The following DMD variants were observed in gnomAD, a reference collection of about 807,000 sequenced individuals.
The protein encoded by DMD is dystrophin.
DMD carries 63 observed loss-of-function variants against 330.1 expected under a neutral mutation model. The ratio of observed to expected loss-of-function variants is 0.19; its 90% CI spans 0.16 to 0.24. The LOEUF is 0.24. DMD is among the 10% of genes least tolerant of loss of function. DMD has a pLI of 1.00. For synonymous variants in DMD, 1,223 were observed against 959.8 expected (o/e 1.27, Z -5.07); for missense variants, 3,344 against 2,684.1 (o/e 1.25, Z -5.43).
intron 1 of DMD, among the ~76,000 whole-genome samples, chrX:33,186,432 A>G (rs1446109503): frequency 9.0e-6 from 1 of 111,527 alleles, no homozygotes; most frequent in Non-Finnish European, 1.9e-5. Context: ...ATTCAATACC[A>G]TAGGCATAGA....
At chrX:33,219,570 T>C (rs1190390331) in intron 1 of DMD, among the ~76,000 whole-genome samples, 2 of 109,663 alleles carry the variant, frequency 1.8e-5, no homozygotes, top group African/African-American at 6.6e-5. Context: ...ATATCAGTAC[T>C]ATCTATAGAG....
At chrX:33,184,092 A>G (rs2050129475) in intron 1 of DMD, among the ~76,000 whole-genome samples, 1 of 111,862 alleles carries the variant, frequency 8.9e-6, no homozygotes, top group Non-Finnish European at 1.9e-5. Context: ...CCTTTGTTGA[A>G]TGCTGATCCA....
At chrX:31,264,381 G>A (rs1603261542) in intron 62 of DMD, among the ~76,000 whole-genome samples, 1 of 112,286 alleles carries the variant, frequency 8.9e-6, no homozygotes, top group East Asian at 2.8e-4. Flanking sequence ...GGGAAATTCT[G>A]AAACCTGTTC....
At chrX:31,845,509 C>A (rs772063813) in intron 48 of DMD, among the ~76,000 whole-genome samples, 1 of 107,735 alleles carries the variant, frequency 9.3e-6, no homozygotes, top group Non-Finnish European at 1.9e-5. Flanking sequence ...TGGATACCAA[C>A]CCTGATTTGA....
At chrX:32,735,051 G>A (rs1322574671) in intron 7 of DMD, among the ~76,000 whole-genome samples, 23 of 111,068 alleles carry the variant, frequency 2.1e-4, no homozygotes, top group African/African-American at 6.3e-4. Flanking sequence ...TAAGCTGATA[G>A]GGAACTTCAG....
At chrX:31,482,282 A>G (rs1394553069) in intron 57 of DMD, among the ~76,000 whole-genome samples, 1 of 108,993 alleles carries the variant, frequency 9.2e-6, no homozygotes, top group African/African-American at 3.4e-5. Context: ...GGACTGTGAT[A>G]TGCTCAGCTT....
At chrX:32,199,856 G>T (rs1007595090) in intron 44 of DMD, among the ~76,000 whole-genome samples, 24 of 104,753 alleles carry the variant, frequency 2.3e-4, no homozygotes, top group Non-Finnish European at 3.5e-4. Context: ...GTTTCACCCT[G>T]TAGGCCAGGC....
At chrX:32,587,014 A>C (rs1427389432) in intron 13 of DMD, among the ~76,000 whole-genome samples, 1 of 111,628 alleles carries the variant, frequency 9.0e-6, no homozygotes, top group Non-Finnish European at 1.9e-5. Context: ...AACTAGAGCG[A>C]AACATCAAAA....
At chrX:31,578,827 C>T (rs1434754955) in intron 55 of DMD, among the ~76,000 whole-genome samples, 1 of 112,073 alleles carries the variant, frequency 8.9e-6, no homozygotes, top group Non-Finnish European at 1.9e-5. Context: ...TTCATTTCAA[C>T]CAACAATTAT....
chrX:31,199,603 CAG>C (rs888575041), intron 67 of DMD, among the ~76,000 whole-genome samples: 6 of 111,625 alleles, frequency 5.4e-5, no homozygotes, highest in Non-Finnish European at 1.1e-4. Flanking sequence ...ATAGATAATC[CAG>C]AGAGTGTGGC....
intron 44 of DMD, among the ~76,000 whole-genome samples, chrX:32,053,319 C>T (rs1272364620): frequency 9.1e-6 from 1 of 109,660 alleles, no homozygotes; most frequent in Non-Finnish European, 1.9e-5. Flanking sequence ...AGAATAGCTA[C>T]AAGGAAGTTA....
At chrX:31,529,617 C>T (rs2073550631) in intron 55 of DMD, among the ~76,000 whole-genome samples, 1 of 111,225 alleles carries the variant, frequency 9.0e-6, no homozygotes, top group South Asian at 3.8e-4. Context: ...GTTCACTGCA[C>T]GCAGTGAATT....
chrX:31,276,737 T>C (rs752312254), intron 62 of DMD, among the ~76,000 whole-genome samples: 2 of 112,212 alleles, frequency 1.8e-5, no homozygotes, highest in African/African-American at 3.2e-5. Context: ...GGATATTACA[T>C]AGCAATTAGA....
At chrX:32,349,797 C>G in intron 37 of DMD, among the ~76,000 whole-genome samples, 1 of 111,678 alleles carries the variant, frequency 9.0e-6, no homozygotes, top group South Asian at 3.7e-4. Context: ...TGACCTATTA[C>G]AGTACCAGTT....
chrX:32,342,372 A>G (rs1252185299), intron 40 of DMD, 90 bp from the exon 41 acceptor site: 2 of 977,092 alleles, frequency 2.0e-6, no homozygotes, highest in Non-Finnish European at 2.9e-6. Flanking sequence ...CAAAATTTCA[A>G]AGGCTGTTGT....
chrX:31,983,770 C>T (rs143141256), intron 44 of DMD, among the ~76,000 whole-genome samples: 4,064 of 112,070 alleles, frequency 0.036, 68 homozygotes, highest in Middle Eastern at 0.05. Context: ...TTATTGCTTT[C>T]ATATACTTCA....
rs112646678 is a variant in DMD at position 32,599,205 on chromosome X, T to C, written c.1483-3329A>G. Among the ~76,000 whole-genome samples the C allele has an allele frequency of 4.0e-3, 447 of 111,990 alleles. 4 individuals are homozygous for C. The highest frequency in any genetic ancestry group is 0.014 in the African/African-American group (421 of 30,845). Reference sequence around the variant, plus strand: ...TAAATATTAGTGAATATAACTGTATTAGCTAATCTCCTTAATATCAGCAAA... The same window carrying C: ...TAAATATTAGTGAATATAACTGTATCAGCTAATCTCCTTAATATCAGCAAA... On this transcript the variant is annotated intron_variant, in intron 12 of 78. Coordinates refer to ENST00000357033, the MANE Select transcript of DMD (RefSeq NM_004006.3).
intron 44 of DMD, chrX:32,206,744 T>C (rs2097070956): frequency 8.6e-6 from 4 of 463,720 alleles, no homozygotes; most frequent in African/African-American, 4.7e-5. Flanking sequence ...TCTAAGAAAA[T>C]AGTTTAAACA....
intron 56 of DMD, among the ~76,000 whole-genome samples, chrX:31,497,764 C>A (rs952825179): frequency 6.2e-5 from 7 of 112,280 alleles, no homozygotes; most frequent in African/African-American, 1.9e-4. Context: ...TAAAATAAAT[C>A]ATCATCCAGA....
Sources: allele counts gnomAD v4.1 joint callset (sites outside exome capture counted in the v4.1 genomes callset), GRCh38; gene constraint gnomAD v4.1.1; transcripts MANE v1.5; gene names NCBI Gene and HGNC (gene_info 2026-07-23, HGNC 2026-07-21).